IMMP2L: variants seen among roughly 807,000 people sequenced by gnomAD.
IMMP2L encodes the protein inner mitochondrial membrane peptidase subunit 2, also known as mitochondrial inner membrane protease subunit 2.
Under a neutral mutation model 19.3 loss-of-function variants are expected in IMMP2L, and 18 were observed. That is an observed-to-expected ratio of 0.93 (90% CI 0.64 to 1.38). The LOEUF (loss-of-function observed/expected upper bound fraction) is 1.38. Among genes scored for constraint, IMMP2L ranks in the 40% most tolerant of loss-of-function variants. The pLI is 0.00. For missense variants in IMMP2L, 233 were observed against 218.2 expected (o/e 1.07, Z -0.43); for synonymous variants, 76 against 73.0 (o/e 1.04, Z -0.21).
intron 3 of IMMP2L, among the ~76,000 whole-genome samples, chr7:111,224,154 T>C (rs1347197872): frequency 6.6e-6 from 1 of 152,002 alleles, no homozygotes; most frequent in Non-Finnish European, 1.5e-5. Context: ...CCTGCAAATC[T>C]CACAGGACTG....
chr7:110,857,796 G>T (rs1330373071), intron 5 of IMMP2L, among the ~76,000 whole-genome samples: 1 of 151,808 alleles, frequency 6.6e-6, no homozygotes, highest in African/African-American at 2.4e-5. Context: ...GATTAAGATG[G>T]GTTTCAATGT....
chr7:111,396,615 A>G (rs1832889315), intron 3 of IMMP2L, among the ~76,000 whole-genome samples: 2 of 152,132 alleles, frequency 1.3e-5, no homozygotes, highest in Admixed American at 6.6e-5. Flanking sequence ...ATGTATACCT[A>G]TTTAACAAAC....
chr7:111,402,188 G>A lies in IMMP2L; in HGVS notation c.239+85050C>T, dbSNP rs565575705. Among the ~76,000 whole-genome samples, 71 of 149,200 alleles carry A rather than the reference G, an allele frequency of 4.8e-4. 1 individual carries two copies. Among genetic ancestry groups the A allele is most frequent in the African/African-American group, 1.5e-3 (61 of 40,932 alleles). On this transcript the variant is annotated intron_variant, in intron 3 of 5. Coordinates refer to ENST00000405709, the MANE Select transcript of IMMP2L (RefSeq NM_032549.4). Reference sequence around the variant, plus strand: ...AATAATAATATTAAGTTAGGAAAAAGCAATCCTCCATTCATTCACAATGTA... The same window carrying A: ...AATAATAATATTAAGTTAGGAAAAAACAATCCTCCATTCATTCACAATGTA...
At chr7:111,058,640 C>T (rs1793729568) in intron 3 of IMMP2L, among the ~76,000 whole-genome samples, 1 of 152,186 alleles carries the variant, frequency 6.6e-6, no homozygotes. Flanking sequence ...CCTTCTAACT[C>T]ATCTTAAACA....
Position 111,123,306 on chromosome 7 carries a change from G to C in IMMP2L, c.240-159741C>G. On this transcript the variant is annotated intron_variant, in intron 3 of 5. Coordinates refer to ENST00000405709, the MANE Select transcript of IMMP2L (RefSeq NM_032549.4). This position sits in a 1 kb window ranked among gnomAD's most constrained non-coding sequence, Gnocchi z 6.4. ...ATCTCAATTCAAATAGATTGCAGATGATCAACAGTAAGTGGTTTGATGCTC... is the reference window on the plus strand; with the variant it reads ...ATCTCAATTCAAATAGATTGCAGATCATCAACAGTAAGTGGTTTGATGCTC... 6.2e-7 allele frequency: 1 copy of C among 1,613,776 alleles called. No individual in the cohort carries two copies.
intron 3 of IMMP2L, among the ~76,000 whole-genome samples, chr7:111,052,094 A>T (rs978955356): frequency 3.9e-5 from 6 of 152,228 alleles, no homozygotes; most frequent in Non-Finnish European, 7.3e-5. Flanking sequence ...TCTCTGGTAT[A>T]GCATCACAGG....
At chr7:110,973,415 TG>T (rs1820358226) in intron 3 of IMMP2L, among the ~76,000 whole-genome samples, 1 of 152,130 alleles carries the variant, frequency 6.6e-6, no homozygotes, top group Non-Finnish European at 1.5e-5. Context: ...CAACCTGTGA[TG>T]CATCCTTTCA....
chr7:110,796,774 A>C (rs542534429), intron 5 of IMMP2L, among the ~76,000 whole-genome samples: 12 of 152,014 alleles, frequency 7.9e-5, no homozygotes, highest in African/African-American at 1.9e-4. Flanking sequence ...CACAGGTGAA[A>C]AGATAGGGTT....
chr7:111,072,616 G>A (rs1795047882), intron 3 of IMMP2L, among the ~76,000 whole-genome samples: 1 of 152,054 alleles, frequency 6.6e-6, no homozygotes, highest in African/African-American at 2.4e-5. Context: ...ACCAGTCTAG[G>A]CTGGGTGCAG....
At chr7:111,043,931 T>C (rs181590674) in intron 3 of IMMP2L, among the ~76,000 whole-genome samples, 144 of 152,328 alleles carry the variant, frequency 9.5e-4, no homozygotes, top group African/African-American at 3.2e-3. Context: ...AGGGATTTGA[T>C]AGGGGTATGT....
At chr7:111,299,553 C>A (rs1584509736) in intron 3 of IMMP2L, among the ~76,000 whole-genome samples, 1 of 134,934 alleles carries the variant, frequency 7.4e-6, no homozygotes, top group Non-Finnish European at 1.6e-5. Flanking sequence ...CCAGATAATT[C>A]TTTAAAGGTA....
intron 5 of IMMP2L, among the ~76,000 whole-genome samples, chr7:110,858,890 G>C (rs1405545589): frequency 1.3e-5 from 2 of 151,980 alleles, no homozygotes; most frequent in Admixed American, 1.3e-4. Flanking sequence ...TACTGAGAAT[G>C]ATGATTTCCA....
Position 110,964,447 on chromosome 7 carries a change from C to T in IMMP2L, c.240-882G>A, listed in dbSNP as rs573853147. ...CTTTGAAACTACATTTGGGTTTAGCCATTTGATGATTATAGAATTCAGAGC... is the reference window on the plus strand; with the variant it reads ...CTTTGAAACTACATTTGGGTTTAGCTATTTGATGATTATAGAATTCAGAGC... On this transcript the variant is annotated intron_variant, in intron 3 of 5. Transcript: ENST00000405709. Among the ~76,000 whole-genome samples, 18 of 151,952 alleles carry T rather than the reference C, an allele frequency of 1.2e-4. 1 individual carries two copies. The highest frequency in any genetic ancestry group is 2.4e-4 in the Non-Finnish European group (16 of 67,940).
chr7:110,683,230 A>G (rs1350767951), intron 5 of IMMP2L, among the ~76,000 whole-genome samples: 4 of 152,148 alleles, frequency 2.6e-5, no homozygotes, highest in Non-Finnish European at 5.9e-5. Flanking sequence ...ACTCATATAC[A>G]TTAAATATAT....
intron 3 of IMMP2L, among the ~76,000 whole-genome samples, chr7:111,478,123 C>G (rs892535742): frequency 1.3e-5 from 2 of 152,060 alleles, no homozygotes; most frequent in African/African-American, 4.8e-5. Flanking sequence ...GGTAGTCAGC[C>G]TTTTCCACTA....
At chr7:110,744,337 G>C (rs1402763145) in intron 5 of IMMP2L, among the ~76,000 whole-genome samples, 1 of 152,210 alleles carries the variant, frequency 6.6e-6, no homozygotes, top group Non-Finnish European at 1.5e-5. Flanking sequence ...AGACTTAAAC[G>C]TCCCTACCTG....
Position 110,945,549 on chromosome 7 carries a change from G to A in IMMP2L, c.305+17951C>T, listed in dbSNP as rs530162127. Among the ~76,000 whole-genome samples, 8 of 152,040 alleles carry A rather than the reference G, an allele frequency of 5.3e-5. No individual in the cohort carries two copies. The South Asian group carries it at 6.2e-4, about 12-fold the overall frequency. On this transcript the variant is annotated intron_variant, in intron 4 of 5. Transcript: ENST00000405709. The stretch of plus-strand genomic sequence containing the variant: ...GCTATGGGATCCACCCCTGTACCCC[G>A]GAGTGGGAGAACAGTCTTCCTTCTA...
chr7:111,002,636 T>C (rs1363724937), intron 3 of IMMP2L, among the ~76,000 whole-genome samples: 1 of 152,164 alleles, frequency 6.6e-6, no homozygotes, highest in African/African-American at 2.4e-5. Context: ...TGTTATATAC[T>C]TAATCAAGGG....
intron 3 of IMMP2L, among the ~76,000 whole-genome samples, chr7:111,087,176 G>A (rs919005829): frequency 1.1e-4 from 16 of 152,128 alleles, no homozygotes; most frequent in Non-Finnish European, 5.9e-5. Flanking sequence ...TTTGCCGGGC[G>A]CGGTGGCTCA....
Sources: gnomAD v4.1 joint callset for allele counts (sites outside exome capture counted in the v4.1 genomes callset) on GRCh38, gnomAD v4.1.1 for gene constraint, Gnocchi (gnomAD v3.1) non-coding constraint, MANE v1.5 for transcripts, NCBI Gene and HGNC (gene_info 2026-07-23, HGNC 2026-07-21) for gene names.